Variants in STX10 observed in about 807,000 individuals in gnomAD.
The protein encoded by STX10 is syntaxin-10.
A neutral mutation model predicts 34.1 loss-of-function variants in STX10; 35 were observed. That is an observed-to-expected ratio of 1.03 (90% CI 0.78 to 1.36). The LOEUF (loss-of-function observed/expected upper bound fraction) is 1.36, where lower values mean the gene tolerates loss of function less well. Among genes scored for constraint, STX10 ranks in the 40% most tolerant of loss-of-function variants. The pLI, the probability that STX10 is intolerant of heterozygous loss-of-function variation, is 0.00. For missense variants in STX10, 361 were observed against 335.5 expected (o/e 1.08, Z -0.59); for synonymous variants, 155 against 132.9 (o/e 1.17, Z -1.15).
At chr19:13,147,334 A>G (rs188910022) in intron 4 of STX10, among the ~76,000 whole-genome samples, 71 of 151,874 alleles carry the variant, frequency 4.7e-4, no homozygotes, top group African/African-American at 1.7e-3. Flanking sequence ...GCATGGTGGC[A>G]CACTCCTGTT....
At chr19:13,145,059 C>G (rs1284884753) in intron 5 of STX10, among the ~76,000 whole-genome samples, 189 bp from the exon 6 acceptor site, 1 of 151,932 alleles carries the variant, frequency 6.6e-6, no homozygotes, top group Non-Finnish European at 1.5e-5. Context: ...ATTGGCCAGG[C>G]ATTGTGGTGG....
intron 5 of STX10, 80 bp from the exon 6 acceptor site, chr19:13,144,950 G>A (rs1010208839): frequency 7.4e-7 from 1 of 1,348,080 alleles, no homozygotes; most frequent in Non-Finnish European, 1.0e-6. Flanking sequence ...TGTAATCCCA[G>A]CACTCTGGGA....
At chr19:13,148,362 G>C (rs531787301) in intron 4 of STX10, among the ~76,000 whole-genome samples, 91 of 152,142 alleles carry the variant, frequency 6.0e-4, no homozygotes, top group African/African-American at 2.1e-3. Flanking sequence ...AATTAGCCAG[G>C]CATGGTGGCG....
At chr19:13,144,716 C>T in intron 6 of STX10, 45 bp from the exon 7 acceptor site, 1 of 1,613,018 alleles carries the variant, frequency 6.2e-7, no homozygotes, top group Non-Finnish European at 8.5e-7. Context: ...CCCAGACACA[C>T]CAGGGTGGCC....
At chr19:13,147,557 A>C (rs1170227395) in intron 4 of STX10, among the ~76,000 whole-genome samples, 1 of 151,982 alleles carries the variant, frequency 6.6e-6, no homozygotes, top group Non-Finnish European at 1.5e-5. Flanking sequence ...CAAGGTCAGG[A>C]GATCAAGACC....
In STX10 at chr19:13,144,582, G is replaced by C. The variant is rs61740942; in HGVS notation, c.668C>G (p.Thr223Arg). 6.2e-7 allele frequency: 1 copy of C among 1,614,116 alleles called. No individual in the cohort carries two copies. Among genetic ancestry groups the C allele is most frequent in the East Asian group, 2.2e-5 (1 of 44,884 alleles). Residue 223 changes from threonine (T) to arginine (R), a missense_variant, in exon 7 of 8, where the codon ACG (threonine) becomes AGG (arginine). Thr to Arg is a moderately conservative substitution (Grantham distance 71, BLOSUM62 -1). Coordinates refer to ENST00000587230, the MANE Select transcript of STX10 (RefSeq NM_003765.3). ...LRKLAKVSHM[T>R]SDRRQWCAIA... ...CCTCCCCTGAGGGGACTCACCACTC[G>C]TCATGTGGGATACTTTGGCCAACTT...
At chr19:13,149,697 T>C (rs1369681924) in intron 2 of STX10, 31 bp downstream of exon 2, 1 of 1,610,516 alleles carries the variant, frequency 6.2e-7, no homozygotes, top group African/African-American at 1.3e-5. Flanking sequence ...GGCTCTCCCA[T>C]GCCACCCTCT....
Position 13,150,143 on chromosome 19 carries a change from G to A in STX10, c.31C>T (p.Arg11Ter). 1 of 1,176,196 alleles carries A rather than the reference G, an allele frequency of 8.5e-7. No individual in the cohort carries two copies. The highest frequency in any genetic ancestry group is 1.3e-6 in the Non-Finnish European group (1 of 793,812). 72.9% of individuals were successfully genotyped at this position (1,176,196 alleles called of 1,614,324 possible). Residue 11 changes from arginine (R) to a stop codon, truncating the protein, a stop_gained, in exon 1 of 8, where the codon CGA becomes TGA. Coordinates refer to ENST00000587230, the MANE Select transcript of STX10 (RefSeq NM_003765.3). LOFTEE classifies it high-confidence loss of function. This position sits in a 1 kb window ranked among gnomAD's most constrained non-coding sequence, Gnocchi z 4.0. ...TCCCCCGTCGTTGTCACTCACCCTC[G>A]GACTACAAAAAAGGGGTCTTCGAGA... MSLEDPFFVV[R>*]GEVQKAVNTA...
Position 13,144,286 on chromosome 19 carries a change from A to C in STX10, c.*124T>G. 7.4e-7 allele frequency: 1 copy of C among 1,353,386 alleles called. No individual in the cohort carries two copies. The highest frequency in any genetic ancestry group is 1.0e-6 in the Non-Finnish European group (1 of 995,374). The allele number at this position is 1,353,386 out of a possible 1,614,324, so 83.8% of individuals were successfully genotyped here. A position where few individuals can be genotyped will look rare whatever the true frequency, so the allele number is the denominator to read the frequency against. ...GGGAGAGCCATGGGGACAGCTCCCC[A>C]GGCGGGACCCTCTACTCTCCAGCTA... On this transcript the variant is annotated 3_prime_UTR_variant, in exon 8 of 8. Transcript: ENST00000587230.
chr19:13,146,802 A>G (rs2019909985), intron 4 of STX10, among the ~76,000 whole-genome samples: 2 of 152,002 alleles, frequency 1.3e-5, no homozygotes, highest in South Asian at 4.1e-4. Flanking sequence ...GGGCCTCCCA[A>G]AGTGCTGAGA....
rs948602756 is a variant in STX10 at position 13,150,198 on chromosome 19, A to C, written c.-25T>G. 4 of 917,746 alleles carry C rather than the reference A, an allele frequency of 4.4e-6. No individual in the cohort carries two copies. Among genetic ancestry groups the C allele is most frequent in the Admixed American group, 3.9e-5 (2 of 51,286 alleles). 56.9% of individuals were successfully genotyped at this position (917,746 alleles called of 1,614,324 possible). A position where few individuals can be genotyped will look rare whatever the true frequency, so the allele number is the denominator to read the frequency against. ...TGTCAGTCCCTTCCCCCCCAGGCCG[A>C]ACCCCCCTCCCGGCCTGGGTTCGCG... On this transcript the variant is annotated 5_prime_UTR_variant, in exon 1 of 8. Coordinates refer to ENST00000587230, the MANE Select transcript of STX10 (RefSeq NM_003765.3). The surrounding 1 kb of genome is among the most constrained non-coding windows in gnomAD (Gnocchi z 4.0).
rs749963835 is a variant in STX10 at position 13,144,620 on chromosome 19, G to A, written c.630C>T (p.Asp210=). 14 of 1,613,998 alleles carry A rather than the reference G, an allele frequency of 8.7e-6. No homozygotes were observed. Among genetic ancestry groups the A allele is most frequent in the Admixed American group, 1.7e-5 (1 of 60,006 alleles). ...QEMDHTQSRM[D]GVLRKLAKVS... ...CTTTGGCCAACTTCCTGAGGACCCC[G>A]TCCATGCGGGACTGGGTGTGGTCCA... Residue 210 remains aspartate, a synonymous_variant, in exon 7 of 8, where the codon GAC becomes GAT. Coordinates refer to ENST00000587230, the MANE Select transcript of STX10 (RefSeq NM_003765.3).
intron 4 of STX10, among the ~76,000 whole-genome samples, chr19:13,146,455 G>A (rs1013866364): frequency 2.0e-5 from 3 of 152,012 alleles, no homozygotes; most frequent in Non-Finnish European, 4.4e-5. Context: ...GGCTGGTCTC[G>A]AACTCCTGAC....
At chr19:13,145,420 C>A in intron 4 of STX10, 25 bp from the exon 5 acceptor site, 5 of 1,595,690 alleles carry the variant, frequency 3.1e-6, no homozygotes, top group Non-Finnish European at 4.3e-6. Context: ...AACATAGGCT[C>A]AGGGAGAGAC....
In STX10 at chr19:13,144,775, G is replaced by A. The variant is rs143675568; in HGVS notation, c.567C>T (p.Asp189=). Residue 189 remains aspartate (D), a synonymous_variant, in exon 6 of 8, where the codon GAC becomes GAT. Transcript: ENST00000587230. ...HMSGRVGEEL[D]EQGIMLDAFA... is the part of the protein sequence containing the mutation. ...GGTCCTGGCCTCACATGCCCTGCTC[G>A]TCCAGCTCTTCTCCAACGCGGCCGG... 1.3e-5 allele frequency: 21 copies of A among 1,613,678 alleles called. No homozygotes were observed. In the Admixed American group the frequency reaches 1.5e-4, roughly 12 times the overall value.
intron 5 of STX10, 101 bp downstream of exon 5, chr19:13,145,187 A>C: frequency 8.6e-7 from 1 of 1,158,618 alleles, no homozygotes; most frequent in Admixed American, 2.2e-5. Flanking sequence ...CGACAAAGCG[A>C]AACTCCATAT....
At chr19:13,149,352 C>T (rs1435080511) in intron 3 of STX10, 147 bp downstream of exon 3, 3 of 722,820 alleles carry the variant, frequency 4.2e-6, no homozygotes, top group Non-Finnish European at 6.6e-6. Context: ...GCGGAGGTTG[C>T]AGTGAGCCGA....
chr19:13,150,243 G>C lies in STX10; in HGVS notation c.-70C>G. 1.5e-6 allele frequency: 1 copy of C among 664,350 alleles called. No homozygotes were observed. The highest frequency in any genetic ancestry group is 2.8e-6 in the Non-Finnish European group (1 of 361,334). The allele number at this position is 664,350 out of a possible 1,614,324, so 41.2% of individuals were successfully genotyped here. A position where few individuals can be genotyped will look rare whatever the true frequency, so the allele number is the denominator to read the frequency against. ...TTCGCGGGCTGGTTCCCTCCCAACCGAGGAGAACGCGCCGCCACCCCCGCC... is the reference window on the plus strand; with the variant it reads ...TTCGCGGGCTGGTTCCCTCCCAACCCAGGAGAACGCGCCGCCACCCCCGCC... On this transcript the variant is annotated 5_prime_UTR_variant, in exon 1 of 8. Transcript: ENST00000587230. The surrounding 1 kb of genome is among the most constrained non-coding windows in gnomAD (Gnocchi z 4.0).
In STX10 at chr19:13,149,786, C is replaced by T; in HGVS notation, c.147G>A (p.Glu49=). Residue 49 remains glutamate, a synonymous_variant, in exon 2 of 8, where the codon GAG becomes GAA. Transcript: ENST00000587230. The stretch of plus-strand genomic sequence containing the variant: ...CGATGCTGCGCAGGCCATTCCGCAG[C>T]TCATTGGTCGTCCAGTCCAGCTCCT... The part of the protein sequence containing the change: ...GREELDWTTN[E]LRNGLRSIEW... 2 of 1,614,148 alleles carry T rather than the reference C, an allele frequency of 1.2e-6. No individual in the cohort carries two copies. Among genetic ancestry groups the T allele is most frequent in the Non-Finnish European group, 1.7e-6 (2 of 1,180,044 alleles).
Sources: gnomAD v4.1 joint callset for allele counts (sites outside exome capture counted in the v4.1 genomes callset) on GRCh38, gnomAD v4.1.1 for gene constraint, Gnocchi (gnomAD v3.1) non-coding constraint, MANE v1.5 for transcripts, NCBI Gene and HGNC (gene_info 2026-07-23, HGNC 2026-07-21) for gene names.